MEIS2: variants seen among roughly 807,000 people sequenced by gnomAD.
The protein encoded by MEIS2 is Meis homeobox 2.
A neutral mutation model predicts 58.6 loss-of-function variants in MEIS2; 9 were observed. The ratio of observed to expected loss-of-function variants is 0.15; its 90% confidence interval spans 0.09 to 0.27. The LOEUF (loss-of-function observed/expected upper bound fraction) is 0.27. Among genes scored for constraint, MEIS2 ranks in the 10% least tolerant of loss-of-function variants. MEIS2 has a pLI of 1.00. For synonymous variants in MEIS2, 221 were observed against 228.4 expected, an observed-to-expected ratio of 0.97 and a Z score of 0.29; for missense variants, 427 against 635.0, an observed-to-expected ratio of 0.67 and a Z score of 3.52.
chr15:36,909,167 T>C (rs1201379710), intron 9 of MEIS2, among the ~76,000 whole-genome samples: 1 of 152,118 alleles, frequency 6.6e-6, no homozygotes, highest in Non-Finnish European at 1.5e-5. Context: ...AAAGTGCTTA[T>C]CACAGAAATC....
intron 7 of MEIS2, among the ~76,000 whole-genome samples, chr15:37,050,512 C>T (rs919865326): frequency 1.3e-5 from 2 of 152,170 alleles, no homozygotes; most frequent in Admixed American, 6.5e-5. Context: ...GTAAGATACA[C>T]TCCATGGAAG....
chr15:36,923,633 G>A (rs1184920661), intron 9 of MEIS2, among the ~76,000 whole-genome samples: 1 of 152,212 alleles, frequency 6.6e-6, no homozygotes, highest in Non-Finnish European at 1.5e-5. Context: ...TGACCAGGAA[G>A]CATGTTGATA....
intron 8 of MEIS2, chr15:36,972,912 C>A (rs138854081): frequency 6.6e-6 from 1 of 152,212 alleles, no homozygotes; most frequent in East Asian, 1.9e-4. Context: ...TTGCTTAGGA[C>A]TAAGAAACAA....
chr15:36,985,366 TTTCATC>T (rs775012355), intron 8 of MEIS2, among the ~76,000 whole-genome samples: 1 of 152,234 alleles, frequency 6.6e-6, no homozygotes, highest in Non-Finnish European at 1.5e-5. Context: ...TACAATCTTC[TTTCATC>T]TTCTTCTGTT....
At chr15:37,072,394 C>T (rs918490892) in intron 7 of MEIS2, among the ~76,000 whole-genome samples, 2 of 152,020 alleles carry the variant, frequency 1.3e-5, no homozygotes, top group African/African-American at 4.8e-5. Flanking sequence ...AGCTACTTAT[C>T]ACCAGGAAAG....
chr15:36,916,585 C>T (rs62002396), intron 9 of MEIS2, among the ~76,000 whole-genome samples: 9,247 of 152,074 alleles, frequency 0.061, 500 homozygotes, highest in East Asian at 0.25. Context: ...GTGTGCACCA[C>T]CACACCTGGC....
chr15:37,007,141 T>A (rs1324095348), intron 8 of MEIS2, among the ~76,000 whole-genome samples: 1 of 152,150 alleles, frequency 6.6e-6, no homozygotes, highest in East Asian at 1.9e-4. Flanking sequence ...TGGGTCCAAT[T>A]TGTCTGAGGG....
At chr15:36,927,495 G>A (rs75126791) in intron 9 of MEIS2, among the ~76,000 whole-genome samples, 10,090 of 152,212 alleles carry the variant, frequency 0.066, 465 homozygotes, top group East Asian at 0.2. Context: ...TCTACATGTT[G>A]TTTATTCTCA....
intron 11 of MEIS2, chr15:36,894,656 A>C: frequency 7.3e-7 from 1 of 1,370,384 alleles, no homozygotes; most frequent in Non-Finnish European, 1.0e-6. Flanking sequence ...GGCAAATTAT[A>C]AAAAATAAAA....
intron 8 of MEIS2, among the ~76,000 whole-genome samples, chr15:36,963,228 A>T (rs942976087): frequency 5.3e-5 from 8 of 152,016 alleles, no homozygotes; most frequent in African/African-American, 1.9e-4. Flanking sequence ...TACAAAAAAA[A>T]ATTTAGCCGG....
chr15:37,085,960 A>T (rs1181174250), intron 6 of MEIS2, among the ~76,000 whole-genome samples: 2 of 152,192 alleles, frequency 1.3e-5, no homozygotes, highest in African/African-American at 4.8e-5. Flanking sequence ...AAAGAAAGAA[A>T]AGAAAAAGAA....
chr15:37,037,547 A>G (rs1052191489), intron 7 of MEIS2, among the ~76,000 whole-genome samples: 5 of 152,108 alleles, frequency 3.3e-5, no homozygotes, highest in African/African-American at 1.2e-4. Flanking sequence ...ATGAAAAAAA[A>G]AAAGATACAC....
intron 9 of MEIS2, among the ~76,000 whole-genome samples, chr15:36,916,111 C>T (rs1410403515): frequency 2.0e-5 from 3 of 151,736 alleles, no homozygotes; most frequent in Non-Finnish European, 4.4e-5. Context: ...TTTTCTTCTT[C>T]TTCTTTTTTT....
intron 8 of MEIS2, among the ~76,000 whole-genome samples, chr15:36,982,700 T>C (rs577424032): frequency 6.6e-6 from 1 of 152,330 alleles, no homozygotes; most frequent in East Asian, 1.9e-4. Context: ...ATGATAGTTC[T>C]ATTTTTAATT....
At chr15:37,028,286 C>G (rs934406399) in intron 8 of MEIS2, among the ~76,000 whole-genome samples, 1 of 152,092 alleles carries the variant, frequency 6.6e-6, no homozygotes, top group African/African-American at 2.4e-5. Flanking sequence ...GCCATTGCAC[C>G]ACCACTGTAC....
At chr15:37,083,375 T>G (rs552878331) in intron 7 of MEIS2, among the ~76,000 whole-genome samples, 2 of 152,220 alleles carry the variant, frequency 1.3e-5, no homozygotes, top group Non-Finnish European at 2.9e-5. Flanking sequence ...GAGGCATAAT[T>G]GCTTGATTAT....
At chr15:37,028,102 T>C (rs2061772043) in intron 8 of MEIS2, among the ~76,000 whole-genome samples, 1 of 152,230 alleles carries the variant, frequency 6.6e-6, no homozygotes, top group Non-Finnish European at 1.5e-5. Context: ...CAATTACCTA[T>C]TTTTAAAATG....
At position 36,890,025 on chromosome 15, in the gene MEIS2, T is replaced by A. The variant is rs1021181054; in HGVS notation, c.*2148A>T. On this transcript the variant is annotated 3_prime_UTR_variant, in exon 12 of 12. Coordinates refer to ENST00000561208, the MANE Select transcript of MEIS2 (RefSeq NM_170675.5). ...AAACAATAGAAGTGTATTTCCTCGT[T>A]CATTTATATAGAACCTCCATAAATG... 3.8e-4 allele frequency: 58 copies of A among 152,216 alleles called. No homozygotes were observed. The highest frequency in any genetic ancestry group is 1.4e-3 in the African/African-American group (56 of 41,476). The allele number at this position is 152,216 out of a possible 1,614,324, so 9.4% of individuals were successfully genotyped here.
chr15:37,036,784 AT>A lies in MEIS2; in HGVS notation c.900+29del, dbSNP rs199651822. The A allele has an allele frequency of 6.0e-3, 8,868 of 1,471,676 alleles. 142 individuals are homozygous for A. The African/African-American group carries it at 0.062, about 10-fold the overall frequency. The allele number at this position is 1,471,676 out of a possible 1,614,324, so 91.2% of individuals were successfully genotyped here. A position where few individuals can be genotyped will look rare whatever the true frequency, so the allele number is the denominator to read the frequency against. On this transcript the variant is annotated intron_variant, in intron 8 of 11. Coordinates refer to ENST00000561208, the MANE Select transcript of MEIS2 (RefSeq NM_170675.5). ...ACTTGCTAGCAAAACAACAAAAACTATTTTTTTTTTCTCTTTCATCTTGACT... is the reference window on the plus strand; with the variant it reads ...ACTTGCTAGCAAAACAACAAAAACTATTTTTTTTTCTCTTTCATCTTGACT...
Sources: gnomAD v4.1 joint callset for allele counts (sites outside exome capture counted in the v4.1 genomes callset) on GRCh38, gnomAD v4.1.1 for gene constraint, MANE v1.5 for transcripts, NCBI Gene and HGNC (gene_info 2026-07-23, HGNC 2026-07-21) for gene names.